The following HSPA12A variants were observed in gnomAD, a reference collection of about 807,000 sequenced individuals.
The protein encoded by HSPA12A is heat shock protein family A (Hsp70) member 12A, also known as heat shock 70 kDa protein 12A.
In HSPA12A, 28 loss-of-function variants were observed where a neutral mutation model predicts 69.2. That is an observed-to-expected ratio of 0.40 (90% CI 0.30 to 0.55). The LOEUF (loss-of-function observed/expected upper bound fraction) is 0.55, where lower values mean the gene tolerates loss of function less well. HSPA12A is among the 20% of genes least tolerant of loss of function. HSPA12A has a pLI of 0.38. For missense variants in HSPA12A, 686 were observed against 900.7 expected, an observed-to-expected ratio of 0.76 and a Z score of 3.05; for synonymous variants, 345 against 370.5, an observed-to-expected ratio of 0.93 and a Z score of 0.79.
chr10:116,846,126 T>C (rs1277555638), intron 1 of HSPA12A, among the ~76,000 whole-genome samples: 2 of 152,190 alleles, frequency 1.3e-5, no homozygotes, highest in East Asian at 1.9e-4. Context: ...TATTTGTTGA[T>C]TGAGTGAATG....
At chr10:116,785,867 C>T (rs1844564028) in intron 2 of HSPA12A, among the ~76,000 whole-genome samples, 1 of 152,048 alleles carries the variant, frequency 6.6e-6, no homozygotes, top group African/African-American at 2.4e-5. Context: ...CGCAAGATTC[C>T]TCCTATTTCC....
chr10:116,718,826 C>T (rs1231048639), intron 1 of HSPA12A, among the ~76,000 whole-genome samples: 3 of 151,732 alleles, frequency 2.0e-5, no homozygotes, highest in East Asian at 1.9e-4. Context: ...CTAAGTTTCC[C>T]GCAAGTAAAG....
At chr10:116,836,870 G>T (rs924829298) in intron 1 of HSPA12A, among the ~76,000 whole-genome samples, 1 of 152,014 alleles carries the variant, frequency 6.6e-6, no homozygotes, top group Admixed American at 6.5e-5. Context: ...CATCACCCAT[G>T]CCATTCTTCT....
chr10:116,765,416 G>C (rs60142356), intron 2 of HSPA12A, among the ~76,000 whole-genome samples: 2,555 of 152,208 alleles, frequency 0.017, 67 homozygotes, highest in African/African-American at 0.059. Context: ...TAAAAACACA[G>C]AAAGGCCAGC....
At position 116,723,563 on chromosome 10, in the gene HSPA12A, GCTGCT is replaced by G. The variant is rs1850851278; in HGVS notation, c.41-16283_41-16279del. ...GGCTAACAACTGTCTCTCTCACAGG[GCTGCT>G]GTGGAGACCACAAGGGGTGACCCAT... On this transcript the variant is annotated intron_variant, in intron 1 of 11. Transcript: ENST00000369209. The surrounding 1 kb of genome is among the most constrained non-coding windows in gnomAD (Gnocchi z 4.1). 6.6e-6 allele frequency among the ~76,000 whole-genome samples: 1 copy of G among 152,192 alleles called. No homozygotes were observed. The highest frequency in any genetic ancestry group is 2.4e-5 in the African/African-American group (1 of 41,460).
chr10:116,784,423 G>A (rs576289160), intron 2 of HSPA12A, among the ~76,000 whole-genome samples: 29 of 152,300 alleles, frequency 1.9e-4, no homozygotes, highest in Non-Finnish European at 3.7e-4. Flanking sequence ...TCGTTTATTG[G>A]TTTATCTTCC....
intron 7 of HSPA12A, among the ~76,000 whole-genome samples, chr10:116,683,143 G>T (rs1375960923): frequency 1.3e-5 from 2 of 151,966 alleles, no homozygotes; most frequent in Non-Finnish European, 2.9e-5. Flanking sequence ...CTGACAGGGC[G>T]TGTCTGCAAA....
intron 2 of HSPA12A, among the ~76,000 whole-genome samples, chr10:116,748,214 C>T (rs371270367): frequency 6.6e-6 from 1 of 152,258 alleles, no homozygotes; most frequent in East Asian, 1.9e-4. Context: ...TGATGACTCA[C>T]TGGGGCATGT....
intron 2 of HSPA12A, among the ~76,000 whole-genome samples, chr10:116,784,296 C>T (rs2420333): frequency 0.73 from 111,598 of 152,244 alleles, 41,289 homozygotes; most frequent in South Asian, 0.84. Flanking sequence ...CAGGCCGCTC[C>T]TGACCTAGGT....
intron 2 of HSPA12A, among the ~76,000 whole-genome samples, chr10:116,753,039 C>CA (rs1316109962): frequency 6.6e-6 from 1 of 152,168 alleles, no homozygotes; most frequent in Non-Finnish European, 1.5e-5. Flanking sequence ...ATAAATGACA[C>CA]AAAAAATAAA....
intron 2 of HSPA12A, among the ~76,000 whole-genome samples, chr10:116,796,090 G>A (rs990985810): frequency 7.0e-6 from 1 of 143,448 alleles, no homozygotes; most frequent in Non-Finnish European, 1.5e-5. Context: ...GGAGCTTACA[G>A]TGAGCCAAGA....
intron 2 of HSPA12A, among the ~76,000 whole-genome samples, chr10:116,776,746 C>A (rs542894744): frequency 6.6e-6 from 1 of 152,266 alleles, no homozygotes; most frequent in Admixed American, 6.5e-5. Context: ...ACTCCATATA[C>A]AATGCTTAAA....
At chr10:116,694,534 C>T (rs1050441100) in intron 5 of HSPA12A, among the ~76,000 whole-genome samples, 2 of 152,304 alleles carry the variant, frequency 1.3e-5, no homozygotes, top group Admixed American at 6.5e-5. Context: ...GGGGCCGTTC[C>T]CTCCACCTCC....
upstream of HSPA12A, among the ~76,000 whole-genome samples, chr10:116,743,683 G>A (rs1355035487): frequency 6.6e-6 from 1 of 151,054 alleles, no homozygotes; most frequent in East Asian, 1.9e-4. Context: ...TCTGGATGAC[G>A]GAGTGGGCAG....
intron 1 of HSPA12A, among the ~76,000 whole-genome samples, chr10:116,839,790 T>C (rs900429879): frequency 2.6e-5 from 4 of 152,184 alleles, no homozygotes; most frequent in Non-Finnish European, 4.4e-5. Flanking sequence ...ATCGTAAACA[T>C]AGTAATCATA....
At position 116,673,678 on chromosome 10, in the gene HSPA12A, A is replaced by G. The variant is rs1849148227; in HGVS notation, c.*1103T>C. 1 of 152,156 alleles carries G rather than the reference A, an allele frequency of 6.6e-6. No individual in the cohort carries two copies. Among genetic ancestry groups the G allele is most frequent in the South Asian group, 2.1e-4 (1 of 4,822 alleles). 9.4% of individuals were successfully genotyped at this position (152,156 alleles called of 1,614,324 possible). ...CTGTGAAAAAAAACTGACTTAATAC[A>G]TCAAGTATAGATCTACAAATTATTT... is the stretch of plus-strand genomic sequence containing the variant. On this transcript the variant is annotated 3_prime_UTR_variant, in exon 12 of 12. Coordinates refer to ENST00000369209, the MANE Select transcript of HSPA12A (RefSeq NM_025015.3).
At chr10:116,840,229 C>CA (rs1320927005) in intron 1 of HSPA12A, among the ~76,000 whole-genome samples, 1 of 152,110 alleles carries the variant, frequency 6.6e-6, no homozygotes, top group South Asian at 2.1e-4. Flanking sequence ...AAGAAGTATA[C>CA]AAAAAATTAC....
At position 116,681,829 on chromosome 10, in the gene HSPA12A, T is replaced by C. The variant is rs782563488; in HGVS notation, c.884A>G (p.Glu295Gly). The change falls in exon 8 of 12, where the codon GAG becomes GGG. Residue 295 changes from glutamate (E) to glycine (G), a missense_variant. Glu to Gly is a moderately conservative substitution (Grantham distance 98). Transcript: ENST00000369209. ...GGACCAGATTTCTCCTATGACATTC[T>C]CCACCAAAAAGGTCCGACTCTGCCG... Reference protein sequence around the residue: ...RNRQSRTFLVENVIGEIWSEL... With the variant: ...RNRQSRTFLVGNVIGEIWSEL... The C allele has an allele frequency of 9.3e-6, 15 of 1,614,012 alleles. No individual in the cohort carries two copies. Among genetic ancestry groups the C allele is most frequent in the Non-Finnish European group, 1.3e-5 (15 of 1,179,992 alleles).
At chr10:116,795,577 T>A (rs1328013710) in intron 2 of HSPA12A, among the ~76,000 whole-genome samples, 6 of 149,104 alleles carry the variant, frequency 4.0e-5, no homozygotes, top group Non-Finnish European at 8.9e-5. Context: ...TCCCAGCTAC[T>A]CAGGAGGCTG....
Sources: gnomAD v4.1 joint callset for allele counts (sites outside exome capture counted in the v4.1 genomes callset) on GRCh38, gnomAD v4.1.1 for gene constraint, Gnocchi (gnomAD v3.1) non-coding constraint, MANE v1.5 for transcripts, NCBI Gene and HGNC (gene_info 2026-07-23, HGNC 2026-07-21) for gene names.